The following ADCY10 variants were observed in gnomAD, a reference collection of about 807,000 sequenced individuals.
The protein encoded by ADCY10 is adenylate cyclase 10.
ADCY10 carries 156 observed loss-of-function variants against 183.3 expected under a neutral mutation model. The ratio of observed to expected loss-of-function variants is 0.85; its 90% CI spans 0.75 to 0.97. ADCY10 has a LOEUF of 0.97. ADCY10 is among the 50% of genes least tolerant of loss of function. The probability of loss-of-function intolerance (pLI) is 0.00; values close to 1 mark genes in which losing one functional copy is unlikely to be tolerated. For synonymous variants in ADCY10, 645 were observed against 670.0 expected, an observed-to-expected ratio of 0.96 and a Z score of 0.58; for missense variants, 1,745 against 1,934.3, an observed-to-expected ratio of 0.90 and a Z score of 1.84.
intron 9 of ADCY10, among the ~76,000 whole-genome samples, chr1:167,881,687 T>C (rs1008745165): frequency 6.6e-6 from 1 of 152,198 alleles, no homozygotes; most frequent in Non-Finnish European, 1.5e-5. Flanking sequence ...TTTAAAACTT[T>C]CCACAATCAT....
At position 167,848,400 on chromosome 1, in the gene ADCY10, C is replaced by T. The variant is rs150000697; in HGVS notation, c.2398G>A (p.Val800Ile). The T allele has an allele frequency of 1.2e-4, 198 of 1,614,030 alleles. No homozygotes were observed. In the East Asian group the frequency reaches 4.1e-3, roughly 33 times the overall value. The change falls in exon 19 of 33, where the codon GTC becomes ATC. Residue 800 changes from valine to isoleucine, a missense_variant. Val to Ile is a conservative substitution (Grantham distance 29, BLOSUM62 3). Coordinates refer to ENST00000367851, the MANE Select transcript of ADCY10 (RefSeq NM_018417.6). ...SEEVCHLTSG[V>I]RLKNLSPPTS... ...GGAGGTGACAGGTTTTTCAGTCTGA[C>T]ACCACTTGTGAGGTGACAGACTTCT...
At chr1:167,810,684 G>T (rs1375445856) in intron 32 of ADCY10, 41 bp downstream of exon 32, 3 of 1,605,084 alleles carry the variant, frequency 1.9e-6, no homozygotes, top group Admixed American at 1.7e-5. Context: ...CTTTATATGG[G>T]TGAGCATCGC....
chr1:167,812,287 A>C (rs547107378), intron 31 of ADCY10, among the ~76,000 whole-genome samples: 44 of 152,198 alleles, frequency 2.9e-4, no homozygotes, highest in African/African-American at 9.6e-4. Flanking sequence ...TCCTCCCCCA[A>C]CTTTATTTTT....
At chr1:167,811,885 G>A (rs1662232556) in intron 31 of ADCY10, among the ~76,000 whole-genome samples, 1 of 152,194 alleles carries the variant, frequency 6.6e-6, no homozygotes, top group African/African-American at 2.4e-5. Flanking sequence ...GCCCCACCTA[G>A]ACTATCATTA....
At position 167,846,930 on chromosome 1, in the gene ADCY10, CT is replaced by C. The variant is rs773821027; in HGVS notation, c.2438-668del. On this transcript the variant is annotated intron_variant, in intron 19 of 32. Transcript: ENST00000367851. ...AGTAGAAACTAAGCTAGTCCATCCT[CT>C]TTTTTTTTTTTTGAGATGGAGTCTC... is the stretch of plus-strand genomic sequence containing the variant. Among the ~76,000 whole-genome samples the C allele has an allele frequency of 2.5e-3, 359 of 145,050 alleles. 1 individual carries two copies. Among genetic ancestry groups the C allele is most frequent in the East Asian group, 0.019 (97 of 5,008 alleles).
In ADCY10 at chr1:167,821,716, C is replaced by T. The variant is rs142351584; in HGVS notation, c.4286+308G>A. 9.0e-3 allele frequency among the ~76,000 whole-genome samples: 1,364 copies of T among 152,320 alleles called. 6 individuals are homozygous for T. Among genetic ancestry groups the T allele is most frequent in the Middle Eastern group, 0.037 (11 of 294 alleles). ...CAAGTGGTGCTATTCATTAGTCTTCCTCAAACCCCAGCACCCCTCTGAAGA... is the reference window on the plus strand; with the variant it reads ...CAAGTGGTGCTATTCATTAGTCTTCTTCAAACCCCAGCACCCCTCTGAAGA... On this transcript the variant is annotated intron_variant, in intron 30 of 32. Transcript: ENST00000367851.
At chr1:167,810,370 A>T (rs1662126449) in intron 32 of ADCY10, among the ~76,000 whole-genome samples, 1 of 152,200 alleles carries the variant, frequency 6.6e-6, no homozygotes, top group Non-Finnish European at 1.5e-5. Context: ...ATTAACCCCC[A>T]AGGTAATGGT....
chr1:167,835,918 T>A lies in ADCY10; in HGVS notation c.3309+391A>T, dbSNP rs558750433. 5.9e-5 allele frequency among the ~76,000 whole-genome samples: 9 copies of A among 152,140 alleles called. 1 individual carries two copies. The South Asian group carries it at 1.9e-3, about 32-fold the overall frequency. On this transcript the variant is annotated intron_variant, in intron 23 of 32. Coordinates refer to ENST00000367851, the MANE Select transcript of ADCY10 (RefSeq NM_018417.6). ...AAACAAAAAACCAGAATTGCACTTA[T>A]CCAAAGACCTACAGGTATTTTGTGC... is the stretch of plus-strand genomic sequence containing the variant.
chr1:167,901,626 A>G, intron 5 of ADCY10, 36 bp downstream of exon 5: 1 of 1,608,156 alleles, frequency 6.2e-7, no homozygotes, highest in East Asian at 2.2e-5. Flanking sequence ...ACCCTATCCC[A>G]GCTGCCGTAG....
At chr1:167,856,135 G>C in intron 17 of ADCY10, 30 bp downstream of exon 17, 4 of 1,612,706 alleles carry the variant, frequency 2.5e-6, no homozygotes, top group Non-Finnish European at 3.4e-6. Context: ...TGCAGATGTC[G>C]AGAGTTCAGA....
intron 8 of ADCY10, among the ~76,000 whole-genome samples, chr1:167,890,922 A>C (rs1558239803): frequency 6.6e-6 from 1 of 152,110 alleles, no homozygotes; most frequent in Non-Finnish European, 1.5e-5. Context: ...CTAGAATCCA[A>C]ATCTCCAGAC....
At chr1:167,912,022 A>C (rs1034316689) in intron 1 of ADCY10, among the ~76,000 whole-genome samples, 8 of 152,246 alleles carry the variant, frequency 5.3e-5, no homozygotes, top group African/African-American at 1.9e-4. Context: ...ACACCCATAA[A>C]AGACAATAGA....
At position 167,810,785 on chromosome 1, in the gene ADCY10, G is replaced by A. The variant is rs1662152091; in HGVS notation, c.4611C>T (p.Ala1537=). 1.2e-6 allele frequency: 2 copies of A among 1,614,208 alleles called. No homozygotes were observed. Among genetic ancestry groups the A allele is most frequent in the African/African-American group, 2.7e-5 (2 of 75,042 alleles). ...GQKCGLFLNT[A]LRLSETQGNI... The stretch of plus-strand genomic sequence containing the variant: ...TCCCCTGTGTTTCAGAGAGCCGCAA[G>A]GCTGTGTTCAGGAAGAGGCCACATT... The change falls in exon 32 of 33, where the codon GCC becomes GCT. Residue 1537 remains alanine (A), a synonymous_variant. Coordinates refer to ENST00000367851, the MANE Select transcript of ADCY10 (RefSeq NM_018417.6).
At chr1:167,851,429 C>A (rs916468828) in intron 18 of ADCY10, among the ~76,000 whole-genome samples, 9 of 152,080 alleles carry the variant, frequency 5.9e-5, no homozygotes, top group African/African-American at 2.2e-4. Context: ...TCAAGCAATC[C>A]GCCCGCCTCA....
At chr1:167,878,381 T>C in intron 12 of ADCY10, 65 bp downstream of exon 12, 1 of 1,558,536 alleles carries the variant, frequency 6.4e-7, no homozygotes, top group Non-Finnish European at 8.8e-7. Flanking sequence ...GGGTGACTGC[T>C]TTGCTATCAT....
At chr1:167,853,686 A>T (rs954698311) in intron 18 of ADCY10, among the ~76,000 whole-genome samples, 5 of 152,070 alleles carry the variant, frequency 3.3e-5, no homozygotes, top group Admixed American at 1.3e-4. Flanking sequence ...TCTGTGTAGC[A>T]CGGGATCTTT....
chr1:167,812,049 G>T (rs1310779641), intron 31 of ADCY10, among the ~76,000 whole-genome samples: 1 of 152,206 alleles, frequency 6.6e-6, no homozygotes, highest in African/African-American at 2.4e-5. Context: ...AAAACCTGTG[G>T]CAGACAGTTG....
chr1:167,885,551 G>A (rs776158295), intron 8 of ADCY10, among the ~76,000 whole-genome samples: 18 of 152,062 alleles, frequency 1.2e-4, no homozygotes, highest in Non-Finnish European at 1.6e-4. Context: ...GTGATGTTGT[G>A]CACCTTTTCA....
chr1:167,848,454 C>T lies in ADCY10; in HGVS notation c.2344G>A (p.Val782Ile), dbSNP rs374721027. The change falls in exon 19 of 33, where the codon GTT (valine) becomes ATT (isoleucine). Residue 782 changes from valine to isoleucine, a missense_variant. Val to Ile is a conservative substitution (Grantham distance 29, BLOSUM62 3). Transcript: ENST00000367851. Reference protein sequence around the residue: ...SIKLTEKLNMVTLHSDKESEE... With the variant: ...SIKLTEKLNMITLHSDKESEE... Reference sequence around the variant, plus strand: ...CTTTCCTTATCACTATGGAGAGTAACCATGTTTAACTTCTCTGTTAGCTTA... The same window carrying T: ...CTTTCCTTATCACTATGGAGAGTAATCATGTTTAACTTCTCTGTTAGCTTA... 6 of 1,612,802 alleles carry T rather than the reference C, an allele frequency of 3.7e-6. No homozygotes were observed. In the African/African-American group the frequency reaches 8.0e-5, roughly 22 times the overall value.
Sources: gnomAD v4.1 joint callset for allele counts (sites outside exome capture counted in the v4.1 genomes callset) on GRCh38, gnomAD v4.1.1 for gene constraint, MANE v1.5 for transcripts, NCBI Gene and HGNC (gene_info 2026-07-23, HGNC 2026-07-21) for gene names.